The following SON variants were observed in gnomAD, a reference collection of about 807,000 sequenced individuals.
The protein encoded by SON is protein SON.
SON carries 4 observed loss-of-function variants against 173.3 expected under a neutral mutation model. That is an observed-to-expected ratio of 0.02 (90% CI 0.01 to 0.05). SON has a LOEUF of 0.05. Ranked by LOEUF, SON falls within the 10% of genes least tolerant of loss-of-function variation. The pLI, the probability that SON is intolerant of heterozygous loss-of-function variation, is 1.00. For missense variants in SON, 2,626 were observed against 3,055.3 expected (o/e 0.86, Z 3.31); for synonymous variants, 1,190 against 1,105.9 (o/e 1.08, Z -1.51).
chr21:33,544,608 A>G (rs1439658116), intron 1 of SON, among the ~76,000 whole-genome samples: 3 of 152,176 alleles, frequency 2.0e-5, no homozygotes, highest in Non-Finnish European at 4.4e-5. Flanking sequence ...TTTCCAGCTA[A>G]TACGTTGTGA....
At chr21:33,575,169 G>A (rs2086370457) in intron 9 of SON, among the ~76,000 whole-genome samples, 1 of 152,048 alleles carries the variant, frequency 6.6e-6, no homozygotes, top group South Asian at 2.1e-4. Flanking sequence ...CCGAGTAGCT[G>A]GGATTACAGG....
chr21:33,553,538 C>T lies in SON; in HGVS notation c.4307C>T (p.Pro1436Leu), dbSNP rs1290802845. Reference sequence around the variant, plus strand: ...CAACCTTCTATGATTGTTTCAGAACCATCTGTTTCTGTCCAGGAATCGACT... The same window carrying T: ...CAACCTTCTATGATTGTTTCAGAACTATCTGTTTCTGTCCAGGAATCGACT... ...VLQPSMIVSE[P>L]SVSVQESTVT... Residue 1436 changes from proline to leucine, a missense_variant, in exon 3 of 12, where the codon CCA becomes CTA. Pro to Leu is a moderately conservative substitution (Grantham distance 98). Coordinates refer to ENST00000356577, the MANE Select transcript of SON (RefSeq NM_138927.4). The T allele has an allele frequency of 1.2e-6, 2 of 1,614,008 alleles. No homozygotes were observed. The highest frequency in any genetic ancestry group is 1.3e-5 in the African/African-American group (1 of 74,892).
Position 33,551,859 on chromosome 21 carries a change from A to T in SON, c.2628A>T (p.Leu876Phe). 1 of 1,614,018 alleles carries T rather than the reference A, an allele frequency of 6.2e-7. No individual in the cohort carries two copies. The highest frequency in any genetic ancestry group is 1.3e-5 in the African/African-American group (1 of 74,992). ...CTGGCACTATGGACTCTCAAATGTT[A>T]GCTTCTGGCACCATGGATGCTCAGA... ...LASGTMDSQM[L>F]ASGTMDAQML... The change falls in exon 3 of 12, where the codon TTA (leucine) becomes TTT (phenylalanine). Residue 876 changes from leucine to phenylalanine, a missense_variant. Transcript: ENST00000356577.
Position 33,546,368 on chromosome 21 carries a change from G to T in SON, c.233G>T (p.Arg78Leu), listed in dbSNP as rs775689868. The change falls in exon 2 of 12, where the codon CGA becomes CTA. Residue 78 changes from arginine to leucine, a missense_variant. Physicochemically the swap from Arg to Leu is moderately radical, Grantham distance 102. Coordinates refer to ENST00000356577, the MANE Select transcript of SON (RefSeq NM_138927.4). Reference protein sequence around the residue: ...VLSGVLDTELRYKPDLKEGSR... With the variant: ...VLSGVLDTELLYKPDLKEGSR... ...TCTGGGGTCTTAGATACAGAACTAC[G>T]ATATAAGCCAGGTAAGTTGGAGATA... 1 of 1,598,712 alleles carries T rather than the reference G, an allele frequency of 6.3e-7. No individual in the cohort carries two copies. The highest frequency in any genetic ancestry group is 1.1e-5 in the South Asian group (1 of 87,250).
intron 3 of SON, among the ~76,000 whole-genome samples, chr21:33,556,607 G>A (rs1263650103): frequency 2.0e-5 from 3 of 151,822 alleles, no homozygotes; most frequent in East Asian, 1.9e-4. Context: ...CCAGCTACTC[G>A]GGAGGCTGAG....
rs1465336440 is a variant in SON, at chr21:33,557,076, T to A, written c.6161-80T>A. ...CGATGGATCTAGGATGCCTTTAGTTTTGTTAGTATGTTAGACTTTTGGTAA... is the reference window on the plus strand; with the variant it reads ...CGATGGATCTAGGATGCCTTTAGTTATGTTAGTATGTTAGACTTTTGGTAA... On this transcript the variant is annotated intron_variant, in intron 3 of 11. Coordinates refer to ENST00000356577, the MANE Select transcript of SON (RefSeq NM_138927.4). The A allele has an allele frequency of 2.2e-6, 3 of 1,338,696 alleles. No homozygotes were observed. The African/African-American group carries it at 4.6e-5, about 20-fold the overall frequency. 82.9% of individuals were successfully genotyped at this position (1,338,696 alleles called of 1,614,324 possible). A position where few individuals can be genotyped will look rare whatever the true frequency, so the allele number is the denominator to read the frequency against.
intron 6 of SON, among the ~76,000 whole-genome samples, chr21:33,562,277 T>C (rs569497192): frequency 4.3e-4 from 65 of 152,336 alleles, no homozygotes; most frequent in Non-Finnish European, 8.5e-4. Context: ...GTGGGAGCAT[T>C]AACCCTTTTG....
rs1286812486 is a variant in SON at position 33,559,646 on chromosome 21, T to C, written c.6528T>C (p.Pro2176=). Residue 2176 remains proline, a synonymous_variant, in exon 6 of 12, where the codon CCT becomes CCC. Transcript: ENST00000356577. This position sits in a 1 kb window ranked among gnomAD's most constrained non-coding sequence, Gnocchi z 4.1. ...KSQVTLTKEF[P]VSSGSQHRKK... ...AGGTAACATTAACAAAAGAATTCCC[T>C]GTATCATCTGGATCTCAACATCGGA... is the stretch of plus-strand genomic sequence containing the variant. The C allele has an allele frequency of 8.7e-6, 14 of 1,613,954 alleles. No homozygotes were observed. The highest frequency in any genetic ancestry group is 1.2e-5 in the Non-Finnish European group (14 of 1,179,994).
intron 3 of SON, 142 bp from the exon 4 acceptor site, chr21:33,557,014 T>A: frequency 1.9e-5 from 7 of 367,994 alleles, no homozygotes; most frequent in Non-Finnish European, 2.6e-5. Context: ...AGTTTTTTCC[T>A]TTTTTTTTTT....
chr21:33,551,359 G>A lies in SON; in HGVS notation c.2128G>A (p.Ala710Thr). The A allele has an allele frequency of 6.2e-7, 1 of 1,614,114 alleles. No homozygotes were observed. The highest frequency in any genetic ancestry group is 8.5e-7 in the Non-Finnish European group (1 of 1,179,982). Residue 710 changes from alanine to threonine, a missense_variant, in exon 3 of 12, where the codon GCC (alanine) becomes ACC (threonine). By Grantham distance (58) the Ala-to-Thr change is moderately conservative (BLOSUM62 0). Around this residue, in one of 13 missense-constraint regions of SON, gnomAD observed 182 missense variants for 193.6 expected, o/e 0.94. Transcript: ENST00000356577. ...AACAGTAGGAGTGGATCCCTTGATG[G>A]CCCCAGAATCCCATATATTAGCTTC... ...SVTVGVDPLMAPESHILASNT... is the reference protein window; with the variant it reads ...SVTVGVDPLMTPESHILASNT...
At chr21:33,548,119 C>A (rs1307736040) in intron 2 of SON, among the ~76,000 whole-genome samples, 1 of 118,660 alleles carries the variant, frequency 8.4e-6, no homozygotes, top group Non-Finnish European at 1.8e-5. Flanking sequence ...GTAAATAAAT[C>A]CCATCTGGTT....
chr21:33,561,065 T>G (rs945823350), intron 6 of SON: 2 of 152,196 alleles, frequency 1.3e-5, no homozygotes, highest in African/African-American at 4.8e-5. Flanking sequence ...TTTTGTTTGT[T>G]TGACCTGCAG....
At chr21:33,558,916 T>G (rs2086017556) in intron 4 of SON, 1 of 191,988 alleles carries the variant, frequency 5.2e-6, no homozygotes, top group Non-Finnish European at 1.1e-5. Flanking sequence ...CCTTCTCTTG[T>G]ACTAGATTGT....
At chr21:33,547,710 T>C (rs1332761070) in intron 2 of SON, among the ~76,000 whole-genome samples, 2 of 124,328 alleles carry the variant, frequency 1.6e-5, no homozygotes, top group Non-Finnish European at 3.4e-5. Context: ...GTAGTCTTTT[T>C]TTTTTTTTTT....
chr21:33,564,880 A>T (rs1051858585), intron 6 of SON, among the ~76,000 whole-genome samples: 23 of 151,444 alleles, frequency 1.5e-4, no homozygotes, highest in Admixed American at 1.5e-3. Context: ...AAAAAAAAAA[A>T]ATGAAACCAG....
At position 33,554,039 on chromosome 21, in the gene SON, C is replaced by G. The variant is rs777872614; in HGVS notation, c.4808C>G (p.Pro1603Arg). The G allele has an allele frequency of 1.2e-5, 19 of 1,613,974 alleles. No individual in the cohort carries two copies. The highest frequency in any genetic ancestry group is 1.5e-5 in the Non-Finnish European group (18 of 1,180,024). The change falls in exon 3 of 12, where the codon CCT becomes CGT. Residue 1603 changes from proline (P) to arginine (R), a missense_variant. Transcript: ENST00000356577. ...LSSTGPFALE[P>R]DATGTSKGIE... Reference sequence around the variant, plus strand: ...TCTACTGGTCCTTTTGCTCTGGAACCTGATGCAACAGGAACTAGTAAGGGT... The same window carrying G: ...TCTACTGGTCCTTTTGCTCTGGAACGTGATGCAACAGGAACTAGTAAGGGT...
intron 6 of SON, among the ~76,000 whole-genome samples, chr21:33,564,910 T>G (rs1457348505): frequency 6.7e-6 from 1 of 149,620 alleles, no homozygotes; most frequent in Non-Finnish European, 1.5e-5. Context: ...TACTATTTGG[T>G]AATACATTTT....
intron 4 of SON, chr21:33,557,671 G>A (rs900407015): frequency 4.0e-6 from 6 of 1,511,156 alleles, no homozygotes; most frequent in Admixed American, 2.1e-5. Context: ...TGATCGCCAC[G>A]AGTATACTGC....
chr21:33,555,385 G>C lies in SON; in HGVS notation c.6154G>C (p.Asp2052His). ...AGGCAGATCACCCAAACGTCTGACA[G>C]ATTTGGGTGAGTCATTTTAAAGTTT... is the stretch of plus-strand genomic sequence containing the variant. ...ERGRSPKRLT[D>H]LDKAQLLEIA... The change falls in exon 3 of 12, where the codon GAT becomes CAT. Residue 2052 changes from aspartate (D) to histidine (H), a missense_variant. Asp to His is a moderately conservative substitution (Grantham distance 81). This residue lies in a region of SON where 138 missense variants were observed against 222.9 expected (regional missense o/e 0.62). Transcript: ENST00000356577. 6.6e-7 allele frequency: 1 copy of C among 1,512,142 alleles called. No homozygotes were observed. The highest frequency in any genetic ancestry group is 8.9e-7 in the Non-Finnish European group (1 of 1,125,384). The allele number at this position is 1,512,142 out of a possible 1,614,324, so 93.7% of individuals were successfully genotyped here. A position where few individuals can be genotyped will look rare whatever the true frequency, so the allele number is the denominator to read the frequency against.
Sources: allele counts gnomAD v4.1 joint callset (sites outside exome capture counted in the v4.1 genomes callset), GRCh38; gene constraint gnomAD v4.1.1; regional missense constraint gnomAD v4.1.1; non-coding constraint Gnocchi (gnomAD v3.1); transcripts MANE v1.5; gene names NCBI Gene and HGNC (gene_info 2026-07-23, HGNC 2026-07-21).